C12orf76: variants seen among roughly 807,000 people sequenced by gnomAD.
The protein encoded by C12orf76 is chromosome 12 open reading frame 76.
In C12orf76, 6 loss-of-function variants were observed where a neutral mutation model predicts 6.8. The observed-to-expected ratio is 0.88, with a 90% CI of 0.48 to 1.73. C12orf76 has a LOEUF of 1.73. Ranked by LOEUF, C12orf76 falls within the 40% of genes most tolerant of loss-of-function variation. The pLI, the probability that C12orf76 is intolerant of heterozygous loss-of-function variation, is 0.01. For synonymous variants in C12orf76, 56 were observed against 43.7 expected (o/e 1.28, Z -1.11); for missense variants, 99 against 98.2 (o/e 1.01, Z -0.03).
intron 1 of C12orf76, among the ~76,000 whole-genome samples, chr12:110,042,824 T>A (rs1892348787): frequency 6.6e-6 from 1 of 151,820 alleles, no homozygotes; most frequent in African/African-American, 2.4e-5. Flanking sequence ...TTGGGAGGCC[T>A]AGGTGGGTGG....
chr12:110,068,247 A>AAAGAAGAAGAAGAAAAAG (rs1892902105), upstream of C12orf76, among the ~76,000 whole-genome samples: 2 of 63,816 alleles, frequency 3.1e-5, no homozygotes, highest in African/African-American at 1.2e-4. Context: ...GAAGAAGAAG[A>AAAGAAGAAGAAGAAAAAG]AAGAAGAAGA....
At chr12:110,072,748 C>T (rs1892974761) in intron 1 of C12orf76, among the ~76,000 whole-genome samples, 1 of 151,868 alleles carries the variant, frequency 6.6e-6, no homozygotes, top group South Asian at 2.1e-4. Flanking sequence ...CATGGCGAAA[C>T]CCCGTTTCTA....
At chr12:110,059,062 G>A in exon 3 of C12orf76, 1 of 1,551,702 alleles carries the variant, frequency 6.4e-7, no homozygotes, top group Non-Finnish European at 8.7e-7. Context: ...GTAAACAGCA[G>A]CGCCAGCTCT....
At chr12:110,068,469 T>TC (rs1892921155), upstream of C12orf76, among the ~76,000 whole-genome samples, 1 of 152,056 alleles carries the variant, frequency 6.6e-6, no homozygotes, top group South Asian at 2.1e-4. Flanking sequence ...TTCAATAAAT[T>TC]CCCCTTTGAG....
intron 4 of C12orf76, among the ~76,000 whole-genome samples, chr12:110,055,571 G>A (rs867961971): frequency 6.6e-6 from 1 of 152,290 alleles, no homozygotes. Context: ...TGCCTAGACA[G>A]AGCCGATTCA....
intron 1 of C12orf76, among the ~76,000 whole-genome samples, chr12:110,043,493 A>T (rs1433940585): frequency 1.3e-5 from 2 of 152,218 alleles, no homozygotes; most frequent in African/African-American, 2.4e-5. Flanking sequence ...GAGATTCAAT[A>T]AAGTATTTCA....
chr12:110,053,061 C>T (rs1057017383), upstream of C12orf76, among the ~76,000 whole-genome samples: 37 of 151,446 alleles, frequency 2.4e-4, no homozygotes, highest in Non-Finnish European at 2.2e-4. Context: ...ATTACCTGGG[C>T]GTGGTGACAC....
chr12:110,067,449 G>A, intron 1 of C12orf76: 17 of 985,380 alleles, frequency 1.7e-5, no homozygotes, highest in East Asian at 2.3e-4. Context: ...TCTGGCTTTT[G>A]GGAAGACCTT....
chr12:110,048,974 G>A (rs1187704739), upstream of C12orf76: 1 of 152,672 alleles, frequency 6.5e-6, no homozygotes, highest in African/African-American at 2.4e-5. Context: ...TTCCCTTAAT[G>A]TACATTCTCC....
rs1396215863 is a variant in C12orf76, at chr12:110,048,508, T to C, written c.-13A>G. On this transcript the variant is annotated 5_prime_UTR_variant, in exon 1 of 2. Transcript: ENST00000615315. ...CTGGACGCAGCATCTTCCCCAGCCC[T>C]GCAGAAGCAGAGAGGCCACTTCCGT... The C allele has an allele frequency of 7.1e-7, 1 of 1,410,610 alleles. No homozygotes were observed. Among genetic ancestry groups the C allele is most frequent in the Non-Finnish European group, 9.2e-7 (1 of 1,083,442 alleles). 87.4% of individuals were successfully genotyped at this position (1,410,610 alleles called of 1,614,324 possible). A position where few individuals can be genotyped will look rare whatever the true frequency, so the allele number is the denominator to read the frequency against.
intron 1 of C12orf76, among the ~76,000 whole-genome samples, chr12:110,066,229 T>A (rs556995911): frequency 3.3e-5 from 5 of 151,254 alleles, no homozygotes; most frequent in Non-Finnish European, 5.9e-5. Flanking sequence ...AAAATTAGCC[T>A]GGTGTGGTGG....
Position 110,059,285 on chromosome 12 carries a change from C to T in C12orf76, n.381-122G>A, listed in dbSNP as rs576777110. 12 of 1,206,548 alleles carry T rather than the reference C, an allele frequency of 9.9e-6. No individual in the cohort carries two copies. The African/African-American group carries it at 1.8e-4, about 18-fold the overall frequency. The allele number at this position is 1,206,548 out of a possible 1,614,324, so 74.7% of individuals were successfully genotyped here. On this transcript the variant is annotated intron_variant and non_coding_transcript_variant, in intron 2 of 4. Transcript: ENST00000309050. Reference sequence around the variant, plus strand: ...GTTTTCTTGTGAATTCTTCGGGATTCTCCATATATGGGATTGTGCCATCTG... The same window carrying T: ...GTTTTCTTGTGAATTCTTCGGGATTTTCCATATATGGGATTGTGCCATCTG...
At chr12:110,068,271 G>GAAGAA (rs1566080115), upstream of C12orf76, among the ~76,000 whole-genome samples, 4 of 126,036 alleles carry the variant, frequency 3.2e-5, no homozygotes, top group African/African-American at 1.2e-4. Context: ...AGAAGAAGAA[G>GAAGAA]AAGAAGAAGA....
upstream of C12orf76, among the ~76,000 whole-genome samples, chr12:110,068,924 T>A (rs893169287): frequency 1.3e-5 from 2 of 152,322 alleles, no homozygotes; most frequent in South Asian, 4.1e-4. Flanking sequence ...GGCTAAGTCA[T>A]GGTTACATAA....
At chr12:110,071,649 T>C (rs1311024141), upstream of C12orf76, among the ~76,000 whole-genome samples, 1 of 152,116 alleles carries the variant, frequency 6.6e-6, no homozygotes, top group Non-Finnish European at 1.5e-5. Flanking sequence ...ACTGCCACCC[T>C]CTATAAGTAT....
chr12:110,069,253 T>A (rs934730286), upstream of C12orf76, among the ~76,000 whole-genome samples: 7 of 152,036 alleles, frequency 4.6e-5, no homozygotes, highest in Admixed American at 6.6e-5. Flanking sequence ...ATCCTGGCTA[T>A]CATGGTGAAA....
intron 1 of C12orf76, 135 bp from the exon 2 acceptor site, chr12:110,042,594 ATCCTCTCTCCAGTTGT>A: frequency 1.4e-6 from 1 of 713,344 alleles, no homozygotes; most frequent in South Asian, 1.5e-5. Flanking sequence ...CTGTAAACAG[ATCCTCTCTCCAGTTGT>A]CTCTAAATAT....
exon 3 of C12orf76, chr12:110,058,994 C>A: frequency 2.6e-6 from 4 of 1,546,840 alleles, no homozygotes; most frequent in Non-Finnish European, 3.5e-6. Flanking sequence ...TTACCTCCAC[C>A]TAATAGCCGA....
upstream of C12orf76, among the ~76,000 whole-genome samples, chr12:110,070,781 G>A (rs1420447989): frequency 6.6e-6 from 1 of 152,006 alleles, no homozygotes; most frequent in Non-Finnish European, 1.5e-5. Context: ...TTTTGTTTTT[G>A]TTTTTGTTTT....
Sources: gnomAD v4.1 joint callset for allele counts (sites outside exome capture counted in the v4.1 genomes callset) on GRCh38, gnomAD v4.1.1 for gene constraint, MANE v1.5 for transcripts, NCBI Gene and HGNC (gene_info 2026-07-23, HGNC 2026-07-21) for gene names.